Variants in KIAA0319 observed in about 807,000 individuals in gnomAD.
KIAA0319 encodes the protein KIAA0319, also known as dyslexia-associated protein KIAA0319.
A neutral mutation model predicts 108.4 loss-of-function variants in KIAA0319; 83 were observed. That is an observed-to-expected ratio of 0.77 (90% CI 0.64 to 0.92). The LOEUF (loss-of-function observed/expected upper bound fraction) is 0.92, where lower values mean the gene tolerates loss of function less well. Ranked by LOEUF, KIAA0319 falls within the 40% of genes least tolerant of loss-of-function variation. KIAA0319 has a pLI of 0.00. For missense variants in KIAA0319, 1,195 were observed against 1,322.4 expected, an observed-to-expected ratio of 0.90 and a Z score of 1.49; for synonymous variants, 484 against 510.4, an observed-to-expected ratio of 0.95 and a Z score of 0.70.
At chr6:24,552,543 G>A (rs977754955) in intron 19 of KIAA0319, among the ~76,000 whole-genome samples, 7 of 152,080 alleles carry the variant, frequency 4.6e-5, no homozygotes, top group African/African-American at 1.4e-4. Context: ...TCTTACTTTG[G>A]GAACGTAATC....
rs191910981 is a variant in KIAA0319 at position 24,571,460 on chromosome 6, T to A, written c.1858+1115A>T. Among the ~76,000 whole-genome samples the A allele has an allele frequency of 3.1e-3, 465 of 151,778 alleles. 1 individual carries two copies. The highest frequency in any genetic ancestry group is 4.9e-3 in the Non-Finnish European group (335 of 67,934). ...TGTTTGCACCACGCCACAGCCCCCA[T>A]GATCCTACTCACTACAAAATAGGGG... On this transcript the variant is annotated intron_variant, in intron 11 of 20. Transcript: ENST00000378214.
intron 1 of KIAA0319, among the ~76,000 whole-genome samples, chr6:24,633,491 G>A (rs1187162324): frequency 6.6e-6 from 1 of 152,142 alleles, no homozygotes; most frequent in African/African-American, 2.4e-5. Flanking sequence ...CAGGCTCAGT[G>A]GCTCATGCCT....
chr6:24,619,109 G>C (rs920296329), intron 1 of KIAA0319, among the ~76,000 whole-genome samples: 1 of 152,176 alleles, frequency 6.6e-6, no homozygotes, highest in Non-Finnish European at 1.5e-5. Context: ...CGCTAGAAAA[G>C]GGAAAGCACT....
chr6:24,578,346 A>G, intron 8 of KIAA0319, 104 bp from the exon 9 acceptor site: 1 of 837,158 alleles, frequency 1.2e-6, no homozygotes, highest in South Asian at 2.0e-5. Context: ...ATAAGAAATT[A>G]TGTACTTGCC....
intron 1 of KIAA0319, among the ~76,000 whole-genome samples, chr6:24,620,252 G>C (rs1051156600): frequency 1.3e-5 from 2 of 152,192 alleles, no homozygotes; most frequent in African/African-American, 4.8e-5. Flanking sequence ...CCAAACATGA[G>C]GCCTCTTCAA....
rs1336467605 is a variant in KIAA0319, at chr6:24,554,572, A to G, written c.2917T>C (p.Phe973Leu). The change falls in exon 19 of 21, where the codon TTC becomes CTC. Residue 973 changes from phenylalanine to leucine, a missense_variant. Physicochemically the swap from Phe to Leu is conservative, Grantham distance 22. Coordinates refer to ENST00000378214, the MANE Select transcript of KIAA0319 (RefSeq NM_014809.4). ...CAGCAGCAGATGCAAAGCCAAGTGA[A>G]ACCTCCTGTTAGCACAATAAGAGTA... is the stretch of plus-strand genomic sequence containing the variant. ...AFTLIVLTGG[F>L]TWLCICCCKR... The G allele has an allele frequency of 6.2e-7, 1 of 1,614,058 alleles. No homozygotes were observed. The highest frequency in any genetic ancestry group is 1.1e-5 in the South Asian group (1 of 91,074).
intron 13 of KIAA0319, among the ~76,000 whole-genome samples, chr6:24,568,128 C>T (rs1764154810): frequency 6.6e-6 from 1 of 152,222 alleles, no homozygotes; most frequent in Admixed American, 6.5e-5. Flanking sequence ...GTGCCTCAGG[C>T]TGCAGCCACT....
Position 24,636,340 on chromosome 6 carries a change from G to A in KIAA0319, c.-106+9396C>T, listed in dbSNP as rs376760594. The stretch of plus-strand genomic sequence containing the variant: ...GGGCATTCAATGACCACTTTGGAAC[G>A]GGATATACAAGGGGTCTTCACAAAG... On this transcript the variant is annotated intron_variant, in intron 1 of 20. Transcript: ENST00000378214. 1.5e-3 allele frequency among the ~76,000 whole-genome samples: 233 copies of A among 152,288 alleles called. 6 individuals carry two copies. In the South Asian group the frequency reaches 0.039, roughly 25 times the overall value.
rs1300379274 is a variant in KIAA0319, at chr6:24,630,456, C to T, written c.-106+15280G>A. On this transcript the variant is annotated intron_variant, in intron 1 of 20. Coordinates refer to ENST00000378214, the MANE Select transcript of KIAA0319 (RefSeq NM_014809.4). ...CCCGGGAGGCGGAGGTTGCAGTGAG[C>T]TGAGATTGCACCACTGTACTCCAGT... Among the ~76,000 whole-genome samples, 6 of 140,330 alleles carry T rather than the reference C, an allele frequency of 4.3e-5. No individual in the cohort carries two copies. The East Asian group carries it at 1.0e-3, about 24-fold the overall frequency. The allele number at this position is 140,330 out of a possible 152,430, so 92.1% of individuals were successfully genotyped here.
chr6:24,569,976 C>T lies in KIAA0319; in HGVS notation c.1918G>A (p.Glu640Lys), dbSNP rs1298931086. The change falls in exon 12 of 21, where the codon GAA becomes AAA. Residue 640 changes from glutamate (E) to lysine (K), a missense_variant. Transcript: ENST00000378214. ...CTGCTCCCATCCAGGGTAGCACTTT[C>T]CACTGGGAAGATCAGCTCTTTATCA... ...GPDKELIFPV[E>K]SATLDGSSSS... is the part of the protein sequence containing the mutation. The T allele has an allele frequency of 6.2e-7, 1 of 1,614,132 alleles. No individual in the cohort carries two copies. Among genetic ancestry groups the T allele is most frequent in the East Asian group, 2.2e-5 (1 of 44,882 alleles).
chr6:24,597,917 CAAAAAAAAAAAAAAAA>C (rs540860751), intron 2 of KIAA0319: 28 of 32,452 alleles, frequency 8.6e-4, no homozygotes, highest in South Asian at 3.9e-3. Flanking sequence ...GACCCTATCT[CAAAAAAAAAAAAAAAA>C]AAAAAAAAAA....
Position 24,568,794 on chromosome 6 carries a change from C to T in KIAA0319, c.2127G>A (p.Val709=), listed in dbSNP as rs751544367. 1 of 1,614,054 alleles carries T rather than the reference C, an allele frequency of 6.2e-7. No individual in the cohort carries two copies. Among genetic ancestry groups the T allele is most frequent in the Non-Finnish European group, 8.5e-7 (1 of 1,179,994 alleles). ...QGLSSTSTLT[V]AVKKENNSPP... ...AGACCCACTCACCCTTCTTCACAGCCACAGTGAGGGTGGACGTGCTGCTCA... is the reference window on the plus strand; with the variant it reads ...AGACCCACTCACCCTTCTTCACAGCTACAGTGAGGGTGGACGTGCTGCTCA... The change falls in exon 13 of 21, where the codon GTG becomes GTA. Residue 709 remains valine, a synonymous_variant. Coordinates refer to ENST00000378214, the MANE Select transcript of KIAA0319 (RefSeq NM_014809.4).
intron 18 of KIAA0319, among the ~76,000 whole-genome samples, chr6:24,555,496 C>CAAAAAAAA (rs34005198): frequency 1.2e-5 from 1 of 80,892 alleles, no homozygotes; most frequent in Non-Finnish European, 2.4e-5. Flanking sequence ...GACTCCATCT[C>CAAAAAAAA]AAAAAAAAAA....
chr6:24,552,469 G>A (rs140699676), intron 19 of KIAA0319, among the ~76,000 whole-genome samples: 100 of 152,308 alleles, frequency 6.6e-4, no homozygotes, highest in African/African-American at 1.9e-3. Context: ...GGTCACATAT[G>A]GCTCTGGGAA....
At chr6:24,600,667 C>T in intron 2 of KIAA0319, 1 of 1,535,412 alleles carries the variant, frequency 6.5e-7, no homozygotes, top group Non-Finnish European at 8.7e-7. Context: ...AAATGATGCT[C>T]ACCAGTGATT....
chr6:24,607,424 G>T (rs1432821075), intron 1 of KIAA0319, among the ~76,000 whole-genome samples: 4 of 151,374 alleles, frequency 2.6e-5, no homozygotes, highest in African/African-American at 9.7e-5. Context: ...GACACTATTT[G>T]TTTTTCGGTT....
chr6:24,601,081 A>T lies in KIAA0319; in HGVS notation c.23T>A (p.Leu8His). ...TGTCACCAGCAGCAGCAATGAAGAG[A>T]GCACACCTGTGGGGGGCGCCATTGT... MAPPTGV[L>H]SSLLLLVTIA... The change falls in exon 2 of 21, where the codon CTC becomes CAC. Residue 8 changes from leucine to histidine, a missense_variant. By Grantham distance (99) the Leu-to-His change is moderately conservative. Coordinates refer to ENST00000378214, the MANE Select transcript of KIAA0319 (RefSeq NM_014809.4). The T allele has an allele frequency of 1.2e-6, 2 of 1,614,136 alleles. No individual in the cohort carries two copies. Among genetic ancestry groups the T allele is most frequent in the Non-Finnish European group, 1.7e-6 (2 of 1,180,028 alleles).
In KIAA0319 at chr6:24,547,360, A is replaced by G; in HGVS notation, c.3041-17T>C. The G allele has an allele frequency of 6.2e-7, 1 of 1,611,182 alleles. No individual in the cohort carries two copies. The highest frequency in any genetic ancestry group is 8.5e-7 in the Non-Finnish European group (1 of 1,177,830). On this transcript the variant is annotated splice_polypyrimidine_tract_variant and intron_variant, in intron 20 of 20. Coordinates refer to ENST00000378214, the MANE Select transcript of KIAA0319 (RefSeq NM_014809.4). ...GCTTGATACCTAGAGAGAAGCACAG[A>G]AGCATCTGAGGAGGAACGCCGTGAT...
At chr6:24,577,404 C>A (rs772459110) in intron 9 of KIAA0319, among the ~76,000 whole-genome samples, 12 of 152,214 alleles carry the variant, frequency 7.9e-5, no homozygotes, top group Non-Finnish European at 1.8e-4. Context: ...GGATTAAGCA[C>A]TTTCAAATGC....
Sources: gnomAD v4.1 joint callset for allele counts (sites outside exome capture counted in the v4.1 genomes callset) on GRCh38, gnomAD v4.1.1 for gene constraint, MANE v1.5 for transcripts, NCBI Gene and HGNC (gene_info 2026-07-23, HGNC 2026-07-21) for gene names.